ADCY3: variants seen among roughly 807,000 people sequenced by gnomAD.
ADCY3 encodes adenylate cyclase 3, also known as adenylate cyclase type 3.
In ADCY3, 70 loss-of-function variants were observed where a neutral mutation model predicts 119.4. That is an observed-to-expected ratio of 0.59 (90% CI 0.48 to 0.72). The LOEUF (loss-of-function observed/expected upper bound fraction) is 0.72, where lower values mean the gene tolerates loss of function less well. Ranked by LOEUF, ADCY3 falls within the 30% of genes least tolerant of loss-of-function variation. ADCY3 has a pLI of 0.00. For synonymous variants in ADCY3, 672 were observed against 621.4 expected, an observed-to-expected ratio of 1.08 and a Z score of -1.21; for missense variants, 1,238 against 1,541.6, an observed-to-expected ratio of 0.80 and a Z score of 3.30.
At chr2:24,860,594 T>C (rs1673513411) in intron 3 of ADCY3, among the ~76,000 whole-genome samples, 1 of 152,224 alleles carries the variant, frequency 6.6e-6, no homozygotes, top group Non-Finnish European at 1.5e-5. Context: ...TCTGAGACCC[T>C]TGCCATTACC....
At chr2:24,846,578 A>ATTT (rs111318790) in intron 3 of ADCY3, among the ~76,000 whole-genome samples, 26 of 139,286 alleles carry the variant, frequency 1.9e-4, no homozygotes, top group African/African-American at 6.4e-4. Flanking sequence ...TTTGCTTTTG[A>ATTT]TTTTTTTTTT....
intron 8 of ADCY3, 34 bp from the exon 9 acceptor site, chr2:24,837,079 C>T: frequency 1.2e-6 from 2 of 1,610,550 alleles, no homozygotes; most frequent in Non-Finnish European, 1.7e-6. Flanking sequence ...ATGATCTGGG[C>T]ATGGGATGAG....
At chr2:24,873,439 G>A (rs780303161) in intron 2 of ADCY3, among the ~76,000 whole-genome samples, 1 of 152,188 alleles carries the variant, frequency 6.6e-6, no homozygotes, top group Non-Finnish European at 1.5e-5. Context: ...TGCAAGGTCA[G>A]TACCCCGGCT....
In ADCY3 at chr2:24,820,011, A is replaced by G; in HGVS notation, c.3356T>C (p.Leu1119Ser). 1 of 1,612,464 alleles carries G rather than the reference A, an allele frequency of 6.2e-7. No individual in the cohort carries two copies. Among genetic ancestry groups the G allele is most frequent in the Non-Finnish European group, 8.5e-7 (1 of 1,179,242 alleles). ...KGKGELLTFF[L>S]KGRDKLATFP... ...GGTGGCTAGCTTATCCCGCCCCTTC[A>G]AGAAGAAGGTCAGCAGCTCCCCCTT... Residue 1119 changes from leucine to serine, a missense_variant, in exon 22 of 22, where the codon TTG (leucine) becomes TCG (serine). Leu to Ser is a moderately radical substitution (Grantham distance 145). This residue lies in a region of ADCY3 where 86 missense variants were observed against 70.7 expected (regional missense o/e 1.22). Coordinates refer to ENST00000679454, the MANE Select transcript of ADCY3 (RefSeq NM_004036.5).
intron 17 of ADCY3, among the ~76,000 whole-genome samples, chr2:24,823,564 A>C (rs1668125995): frequency 6.7e-6 from 1 of 149,130 alleles, no homozygotes; most frequent in Admixed American, 6.8e-5. Context: ...GTAAACAAGC[A>C]CAATTAGGTA....
chr2:24,851,660 C>T (rs1672308587), intron 3 of ADCY3, among the ~76,000 whole-genome samples: 1 of 152,110 alleles, frequency 6.6e-6, no homozygotes. Context: ...CCAGGGGCAT[C>T]GGTTAAAACC....
At chr2:24,911,217 C>CTT (rs61442701) in intron 2 of ADCY3, among the ~76,000 whole-genome samples, 2,219 of 93,308 alleles carry the variant, frequency 0.024, 84 homozygotes, top group African/African-American at 0.068. Context: ...TATAAGGGTT[C>CTT]TTTTTTTTTT....
intron 2 of ADCY3, among the ~76,000 whole-genome samples, chr2:24,882,309 G>C (rs377504288): frequency 7.2e-5 from 11 of 152,210 alleles, no homozygotes; most frequent in African/African-American, 2.6e-4. Flanking sequence ...CCTAACCCAG[G>C]GATTACTCAC....
chr2:24,830,860 T>C, intron 12 of ADCY3, 35 bp from the exon 13 acceptor site: 1 of 1,536,702 alleles, frequency 6.5e-7, no homozygotes, highest in Non-Finnish European at 9.0e-7. Flanking sequence ...CCATGAGCCT[T>C]TGCCAGTCCT....
chr2:24,850,587 C>T (rs780923453), intron 3 of ADCY3, among the ~76,000 whole-genome samples: 12 of 152,210 alleles, frequency 7.9e-5, no homozygotes, highest in East Asian at 1.9e-4. Context: ...AGTTGCTATA[C>T]GTTTCAAGAG....
rs903976298 is a variant in ADCY3 at position 24,872,005 on chromosome 2, G to A, written c.825+565C>T. ...CTTCTTCAGCAGTGACCTCAGATGG[G>A]AAGGTAAGGGAGGGAGGAGCTCCCC... On this transcript the variant is annotated intron_variant, in intron 3 of 21. Transcript: ENST00000679454. The surrounding 1 kb of genome is among the most constrained non-coding windows in gnomAD (Gnocchi z 4.4). 6.6e-6 allele frequency among the ~76,000 whole-genome samples: 1 copy of A among 152,226 alleles called. No individual in the cohort carries two copies. Among genetic ancestry groups the A allele is most frequent in the Non-Finnish European group, 1.5e-5 (1 of 68,044 alleles).
At chr2:24,863,564 A>G (rs549869764) in intron 3 of ADCY3, among the ~76,000 whole-genome samples, 19 of 152,218 alleles carry the variant, frequency 1.2e-4, no homozygotes, top group South Asian at 4.1e-4. Context: ...TCAGTCTTTT[A>G]TTTTAGAGAT....
chr2:24,886,500 C>G (rs576910510), intron 2 of ADCY3, among the ~76,000 whole-genome samples: 24 of 152,290 alleles, frequency 1.6e-4, no homozygotes, highest in Admixed American at 1.3e-4. Context: ...ATAAACCTCC[C>G]TAAGATCTTC....
At chr2:24,886,942 C>T (rs1239156195) in intron 2 of ADCY3, among the ~76,000 whole-genome samples, 1 of 152,236 alleles carries the variant, frequency 6.6e-6, no homozygotes, top group Non-Finnish European at 1.5e-5. Flanking sequence ...ACTCGACAGT[C>T]CCCCACAAGT....
chr2:24,840,261 T>TC (rs1352365241), intron 6 of ADCY3, among the ~76,000 whole-genome samples: 3 of 152,170 alleles, frequency 2.0e-5, no homozygotes, highest in Non-Finnish European at 1.5e-5. Flanking sequence ...TTCCTCCCTA[T>TC]CCCCACTTCC....
intron 2 of ADCY3, among the ~76,000 whole-genome samples, chr2:24,888,459 CA>C (rs955454066): frequency 4.6e-5 from 7 of 152,250 alleles, no homozygotes; most frequent in African/African-American, 1.7e-4. Flanking sequence ...TCCCAGCCCA[CA>C]GTGGCTGCCT....
chr2:24,886,450 C>G (rs538826784), intron 2 of ADCY3, among the ~76,000 whole-genome samples: 1 of 152,166 alleles, frequency 6.6e-6, no homozygotes, highest in African/African-American at 2.4e-5. Context: ...GCAAACACGC[C>G]TCACCTCCAC....
chr2:24,908,908 T>C (rs866754716), intron 2 of ADCY3, among the ~76,000 whole-genome samples: 7 of 152,150 alleles, frequency 4.6e-5, no homozygotes, highest in East Asian at 1.9e-4. Context: ...CCGACACACA[T>C]TGGCTGCTCC....
In ADCY3 at chr2:24,841,636, G is replaced by A; in HGVS notation, c.988C>T (p.Gln330Ter). The A allele has an allele frequency of 6.2e-7, 1 of 1,613,666 alleles. No homozygotes were observed. Among genetic ancestry groups the A allele is most frequent in the Non-Finnish European group, 8.5e-7 (1 of 1,179,968 alleles). ...ILFADIVGFT[Q>*]LSSACSAQEL... ...TGGGCACTGCAGGCAGAAGACAGCT[G>A]GGTAAAGCCCACGATGTCGGCAAAG... is the stretch of plus-strand genomic sequence containing the variant. The change falls in exon 5 of 22, where the codon CAG becomes TAG. Residue 330 changes from glutamine to a stop codon, truncating the protein, a stop_gained. Transcript: ENST00000679454. LOFTEE classifies it high-confidence loss of function. This position sits in a 1 kb window ranked among gnomAD's most constrained non-coding sequence, Gnocchi z 5.8.
Sources: allele counts gnomAD v4.1 joint callset (sites outside exome capture counted in the v4.1 genomes callset), GRCh38; gene constraint gnomAD v4.1.1; regional missense constraint gnomAD v4.1.1; non-coding constraint Gnocchi (gnomAD v3.1); transcripts MANE v1.5; gene names NCBI Gene and HGNC (gene_info 2026-07-23, HGNC 2026-07-21).